PTPRQ: variants seen among roughly 807,000 people sequenced by gnomAD.
The protein encoded by PTPRQ is phosphatidylinositol phosphatase PTPRQ.
A neutral mutation model predicts 246.0 loss-of-function variants in PTPRQ; 199 were observed. The ratio of observed to expected loss-of-function variants is 0.81; its 90% confidence interval spans 0.72 to 0.91. The LOEUF (loss-of-function observed/expected upper bound fraction) is 0.91. PTPRQ is among the 40% of genes least tolerant of loss of function. PTPRQ has a pLI of 0.00. For synonymous variants in PTPRQ, 869 were observed against 853.2 expected (o/e 1.02, Z -0.32); for missense variants, 2,624 against 2,528.4 (o/e 1.04, Z -0.81).
intron 27 of PTPRQ, 67 bp downstream of exon 27, chr12:80,605,247 G>C (rs1025293465): frequency 5.3e-6 from 8 of 1,496,776 alleles, no homozygotes; most frequent in Middle Eastern, 1.7e-4. Context: ...TTTGGAACCA[G>C]ACTATTTGAA....
chr12:80,454,431 TG>T (rs1892899488), intron 3 of PTPRQ: 4 of 658,456 alleles, frequency 6.1e-6, no homozygotes, highest in African/African-American at 2.0e-5. Flanking sequence ...GTACCTCAGA[TG>T]GAAATGCAGA....
Position 80,632,306 on chromosome 12 carries a change from C to T in PTPRQ, c.5786+15C>T, listed in dbSNP as rs1158313659. The T allele has an allele frequency of 5.2e-6, 8 of 1,551,022 alleles. No homozygotes were observed. The highest frequency in any genetic ancestry group is 1.7e-4 in the Middle Eastern group (1 of 5,980). ...GCATTTGCAAGGTAAGATTTATTTGCGCTTACATTCCAGGATGCTTTATGG... is the reference window on the plus strand; with the variant it reads ...GCATTTGCAAGGTAAGATTTATTTGTGCTTACATTCCAGGATGCTTTATGG... On this transcript the variant is annotated intron_variant, in intron 34 of 44. Coordinates refer to ENST00000644991, the MANE Select transcript of PTPRQ (RefSeq NM_001145026.2).
chr12:80,672,679 T>A (rs1901008088), intron 42 of PTPRQ, among the ~76,000 whole-genome samples: 1 of 152,062 alleles, frequency 6.6e-6, no homozygotes, highest in Non-Finnish European at 1.5e-5. Context: ...AATTTTATTA[T>A]CTATAGGAGG....
In PTPRQ at chr12:80,495,364, C is replaced by T. The variant is rs774137152; in HGVS notation, c.1875C>T (p.Leu625=). The T allele has an allele frequency of 5.9e-5, 88 of 1,502,064 alleles. No homozygotes were observed. The highest frequency in any genetic ancestry group is 7.5e-5 in the Non-Finnish European group (85 of 1,131,638). 93.0% of individuals were successfully genotyped at this position (1,502,064 alleles called of 1,614,324 possible). The change falls in exon 12 of 45, where the codon CTC becomes CTT. Residue 625 remains leucine (L), a synonymous_variant. Transcript: ENST00000644991. ...FQITTIDNSF[L]ITGLKKYTKY... ...TAACTACCATAGATAACAGCTTTCT[C>T]ATAACAGGTAGAAAACAATGTTTTG... is the stretch of plus-strand genomic sequence containing the variant.
At chr12:80,445,066 A>G (rs1892512159) in intron 2 of PTPRQ, among the ~76,000 whole-genome samples, 1 of 151,854 alleles carries the variant, frequency 6.6e-6, no homozygotes, top group African/African-American at 2.4e-5. Context: ...ATTACTCTAT[A>G]CTTGTTTGTG....
intron 39 of PTPRQ, among the ~76,000 whole-genome samples, chr12:80,662,030 G>A (rs917262660): frequency 2.0e-5 from 3 of 151,830 alleles, no homozygotes; most frequent in African/African-American, 4.8e-5. Flanking sequence ...CCTATACATT[G>A]TTTTCATTAT....
chr12:80,630,224 G>A (rs1362861226), intron 33 of PTPRQ, among the ~76,000 whole-genome samples: 1 of 151,676 alleles, frequency 6.6e-6, no homozygotes, highest in Admixed American at 6.6e-5. Context: ...TTTTTAAAGA[G>A]CCTTCTTTTC....
chr12:80,517,308 C>A (rs1289888782), intron 17 of PTPRQ, among the ~76,000 whole-genome samples: 2 of 151,968 alleles, frequency 1.3e-5, no homozygotes, highest in Non-Finnish European at 2.9e-5. Context: ...TTATTTGAAG[C>A]ATTTGCTTAG....
chr12:80,447,367 A>G (rs2120393569), intron 3 of PTPRQ, among the ~76,000 whole-genome samples: 1 of 151,892 alleles, frequency 6.6e-6, no homozygotes, highest in South Asian at 2.1e-4. Context: ...TCTGTTAATT[A>G]TTTCCTTTGC....
intron 44 of PTPRQ, 110 bp from the exon 45 acceptor site, chr12:80,678,876 G>A: frequency 7.0e-7 from 1 of 1,432,288 alleles, no homozygotes; most frequent in Non-Finnish European, 9.2e-7. Flanking sequence ...TCTAATCCAA[G>A]TTGGGCTAAT....
intron 37 of PTPRQ, among the ~76,000 whole-genome samples, chr12:80,651,882 C>T (rs956865053): frequency 6.6e-6 from 1 of 151,702 alleles, no homozygotes; most frequent in African/African-American, 2.4e-5. Flanking sequence ...TCCCTTAATA[C>T]ATACCCATAT....
At chr12:80,651,240 C>T (rs1034509568) in intron 37 of PTPRQ, among the ~76,000 whole-genome samples, 6 of 151,894 alleles carry the variant, frequency 4.0e-5, no homozygotes, top group African/African-American at 1.2e-4. Flanking sequence ...TTAGCTATTA[C>T]GATGATAAAT....
rs766087465 is a variant in PTPRQ at position 80,445,538 on chromosome 12, G to A, written c.211G>A (p.Gly71Arg). The change falls in exon 3 of 45, where the codon GGG (glycine) becomes AGG (arginine). Residue 71 changes from glycine (G) to arginine (R), a missense_variant. Gly to Arg is a moderately radical substitution (Grantham distance 125). Transcript: ENST00000644991. The stretch of plus-strand genomic sequence containing the variant: ...AGCCGGGGAAAGAGTCGGATCTGCT[G>A]GGATTCTTCTGTCTTGGAATACACC... ...FLAGERVGSA[G>R]ILLSWNTPPN... The A allele has an allele frequency of 6.5e-7, 1 of 1,548,946 alleles. No individual in the cohort carries two copies. The highest frequency in any genetic ancestry group is 8.7e-7 in the Non-Finnish European group (1 of 1,145,614).
chr12:80,484,817 T>C (rs1170022842), intron 9 of PTPRQ, among the ~76,000 whole-genome samples: 1 of 152,144 alleles, frequency 6.6e-6, no homozygotes, highest in Non-Finnish European at 1.5e-5. Context: ...CTTTTCATCA[T>C]ATGAAAAATG....
At chr12:80,479,189 C>T (rs1481178676) in intron 8 of PTPRQ, among the ~76,000 whole-genome samples, 2 of 150,914 alleles carry the variant, frequency 1.3e-5, no homozygotes, top group African/African-American at 4.9e-5. Context: ...CGGCAGAAAC[C>T]CTACAAGCCA....
At chr12:80,603,121 C>T (rs555744279) in intron 26 of PTPRQ, among the ~76,000 whole-genome samples, 1 of 151,816 alleles carries the variant, frequency 6.6e-6, no homozygotes, top group African/African-American at 2.4e-5. Flanking sequence ...ACTACTTTCT[C>T]TATCTCAATT....
chr12:80,453,460 A>G (rs1349792700), intron 3 of PTPRQ, among the ~76,000 whole-genome samples: 1 of 150,660 alleles, frequency 6.6e-6, no homozygotes, highest in African/African-American at 2.4e-5. Context: ...TAGAGTTTCC[A>G]GTTTTTCTGC....
chr12:80,660,520 T>G, intron 39 of PTPRQ, among the ~76,000 whole-genome samples: 1 of 151,840 alleles, frequency 6.6e-6, no homozygotes, highest in East Asian at 1.9e-4. Context: ...TTTAGAAAGG[T>G]TTTCAAGAGA....
chr12:80,518,455 G>A (rs1895371344), intron 17 of PTPRQ, among the ~76,000 whole-genome samples: 1 of 151,952 alleles, frequency 6.6e-6, no homozygotes, highest in Non-Finnish European at 1.5e-5. Context: ...TTTGTTGATT[G>A]TTTTCTTTGC....
Sources: gnomAD v4.1 joint callset for allele counts (sites outside exome capture counted in the v4.1 genomes callset) on GRCh38, gnomAD v4.1.1 for gene constraint, MANE v1.5 for transcripts, NCBI Gene and HGNC (gene_info 2026-07-23, HGNC 2026-07-21) for gene names.